The following ARHGEF37 variants were observed in gnomAD, a reference collection of about 807,000 sequenced individuals.
ARHGEF37 encodes Rho guanine nucleotide exchange factor (GEF) 37.
Under a neutral mutation model 71.1 loss-of-function variants are expected in ARHGEF37, and 55 were observed. The ratio of observed to expected loss-of-function variants is 0.77; its 90% CI spans 0.62 to 0.97. The LOEUF (loss-of-function observed/expected upper bound fraction) is 0.97, where lower values mean the gene tolerates loss of function less well. Among genes scored for constraint, ARHGEF37 ranks in the 50% least tolerant of loss-of-function variants. ARHGEF37 has a pLI of 0.00. For missense variants in ARHGEF37, 765 were observed against 836.8 expected (o/e 0.91, Z 1.06); for synonymous variants, 327 against 350.6 (o/e 0.93, Z 0.75).
Position 149,597,760 on chromosome 5 carries a change from A to G in ARHGEF37, c.-10A>G. On this transcript the variant is annotated splice_region_variant and 5_prime_UTR_variant, in exon 2 of 13. Transcript: ENST00000333677. ...TGGGGATGCTTTTGCTTTTCCCAGAACCTGCTGACATGGCCAAGCATGGAG... is the reference window on the plus strand; with the variant it reads ...TGGGGATGCTTTTGCTTTTCCCAGAGCCTGCTGACATGGCCAAGCATGGAG... The G allele has an allele frequency of 6.5e-7, 1 of 1,533,234 alleles. No homozygotes were observed. Among genetic ancestry groups the G allele is most frequent in the South Asian group, 1.3e-5 (1 of 78,592 alleles). 95.0% of individuals were successfully genotyped at this position (1,533,234 alleles called of 1,614,324 possible).
rs189159316 is a variant in ARHGEF37, at chr5:149,556,418, G to A, written c.-12+4295G>A. 2.7e-5 allele frequency among the ~76,000 whole-genome samples: 4 copies of A among 147,274 alleles called. No individual in the cohort carries two copies. In the East Asian group the frequency reaches 5.9e-4, roughly 22 times the overall value. On this transcript the variant is annotated intron_variant, in intron 1 of 2. Transcript: ENST00000505810. ...TTTATTTATTTTGAGATGGAGTCTC[G>A]CTCTTGTTGTCCAACCTGGAGTGCA...
At chr5:149,618,147 C>A (rs750649908) in intron 5 of ARHGEF37, 29 bp from the exon 6 acceptor site, 9 of 1,612,858 alleles carry the variant, frequency 5.6e-6, no homozygotes, top group Non-Finnish European at 6.8e-6. Flanking sequence ...GCTTGATCAC[C>A]GTGCTTCCCC....
rs116768476 is a variant in ARHGEF37, at chr5:149,618,816, C to T, written c.790-122C>T. The T allele has an allele frequency of 4.6e-3, 3,621 of 788,760 alleles. 97 individuals carry two copies. In the African/African-American group the frequency reaches 0.055, roughly 12 times the overall value. The allele number at this position is 788,760 out of a possible 1,614,324, so 48.9% of individuals were successfully genotyped here. A position where few individuals can be genotyped will look rare whatever the true frequency, so the allele number is the denominator to read the frequency against. ...CACCACCCTCTCAGCTTTGGGGTTG[C>T]GAGAACCAGCTCTGGTGGGCGAGTC... On this transcript the variant is annotated intron_variant, in intron 6 of 12. Coordinates refer to ENST00000333677, the MANE Select transcript of ARHGEF37 (RefSeq NM_001001669.3).
intron 1 of ARHGEF37, among the ~76,000 whole-genome samples, chr5:149,558,229 G>A (rs60129185): frequency 1.3e-5 from 2 of 151,918 alleles, no homozygotes; most frequent in African/African-American, 4.8e-5. Context: ...GGGACTGACC[G>A]GGCACCATGG....
chr5:149,588,841 C>T (rs1763315122), intron 1 of ARHGEF37, among the ~76,000 whole-genome samples: 1 of 152,188 alleles, frequency 6.6e-6, no homozygotes, highest in South Asian at 2.1e-4. Flanking sequence ...ACTTTCCCTG[C>T]CCAGACATTT....
intron 1 of ARHGEF37, among the ~76,000 whole-genome samples, chr5:149,552,929 C>T (rs1450895577): frequency 6.6e-6 from 1 of 152,096 alleles, no homozygotes; most frequent in Non-Finnish European, 1.5e-5. Flanking sequence ...GGGTTCATCT[C>T]GGAAGACAAC....
At chr5:149,591,095 T>A (rs995040607) in intron 1 of ARHGEF37, among the ~76,000 whole-genome samples, 3 of 152,046 alleles carry the variant, frequency 2.0e-5, no homozygotes, top group Non-Finnish European at 4.4e-5. Context: ...AGAGTCTCTC[T>A]CTGATGCCCA....
intron 1 of ARHGEF37, among the ~76,000 whole-genome samples, chr5:149,566,309 C>A (rs994123994): frequency 2.0e-5 from 3 of 151,688 alleles, no homozygotes; most frequent in Non-Finnish European, 2.9e-5. Flanking sequence ...CCAGCCTGGC[C>A]AACATGATGA....
chr5:149,610,049 T>C (rs1764033451), intron 4 of ARHGEF37, among the ~76,000 whole-genome samples: 1 of 152,226 alleles, frequency 6.6e-6, no homozygotes, highest in Admixed American at 6.5e-5. Context: ...ATGCTGGCAA[T>C]TGAATGCTGT....
chr5:149,606,971 A>G (rs746973353), intron 3 of ARHGEF37, among the ~76,000 whole-genome samples: 6 of 152,200 alleles, frequency 3.9e-5, no homozygotes, highest in South Asian at 2.1e-4. Flanking sequence ...GCTGGAGTGC[A>G]GTGGTGCAAT....
chr5:149,626,653 G>A (rs1752693726), intron 10 of ARHGEF37, among the ~76,000 whole-genome samples: 1 of 152,226 alleles, frequency 6.6e-6, no homozygotes, highest in Admixed American at 6.5e-5. Flanking sequence ...AATCCGCCAT[G>A]TGCTGGCCCT....
At chr5:149,583,109 G>A (rs1763148970) in intron 1 of ARHGEF37, among the ~76,000 whole-genome samples, 4 of 152,080 alleles carry the variant, frequency 2.6e-5, no homozygotes, top group Admixed American at 2.6e-4. Context: ...TTCAAATGGG[G>A]TCAACACCCC....
intron 1 of ARHGEF37, among the ~76,000 whole-genome samples, chr5:149,595,354 T>A (rs2895866): frequency 0.026 from 3,925 of 151,782 alleles, 162 homozygotes; most frequent in African/African-American, 0.091. Flanking sequence ...TACAAAAAAA[T>A]TTTTTCTGTA....
intron 1 of ARHGEF37, among the ~76,000 whole-genome samples, chr5:149,561,531 T>C (rs928444025): frequency 6.6e-6 from 1 of 152,320 alleles, no homozygotes; most frequent in East Asian, 1.9e-4. Context: ...TGCAGTGTAA[T>C]ATATGCAATG....
At chr5:149,623,924 G>C (rs1752607142) in intron 9 of ARHGEF37, 88 bp from the exon 10 acceptor site, 1 of 1,485,784 alleles carries the variant, frequency 6.7e-7, no homozygotes, top group East Asian at 2.3e-5. Flanking sequence ...GAACTCCTTG[G>C]GTTGAAAATA....
At chr5:149,604,712 T>G (rs1242246752) in intron 3 of ARHGEF37, among the ~76,000 whole-genome samples, 1 of 30,060 alleles carries the variant, frequency 3.3e-5, no homozygotes, top group Non-Finnish European at 6.7e-5. Context: ...AGACAGAATC[T>G]CTCTCTGTCG....
intron 2 of ARHGEF37, among the ~76,000 whole-genome samples, chr5:149,600,787 C>T (rs2113316878): frequency 6.6e-6 from 1 of 152,074 alleles, no homozygotes; most frequent in South Asian, 2.1e-4. Flanking sequence ...TTACAAGCAC[C>T]CACCACCATG....
In ARHGEF37 at chr5:149,613,764, C is replaced by CTTT. The variant is rs5872138; in HGVS notation, c.459-2788_459-2786dup. Reference sequence around the variant, plus strand: ...GATATTGATATTTCTACAGTGTTTTCTTTTTTTTTTTTTTTTTGAGACAAG... The same window carrying CTTT: ...GATATTGATATTTCTACAGTGTTTTCTTTTTTTTTTTTTTTTTTTTGAGACAAG... On this transcript the variant is annotated intron_variant, in intron 4 of 12. Transcript: ENST00000333677. Among the ~76,000 whole-genome samples the CTTT allele has an allele frequency of 2.4e-3, 323 of 133,250 alleles. 3 individuals are homozygous for CTTT. Among genetic ancestry groups the CTTT allele is most frequent in the African/African-American group, 8.3e-3 (302 of 36,224 alleles). The allele number at this position is 133,250 out of a possible 152,430, so 87.4% of individuals were successfully genotyped here. A position where few individuals can be genotyped will look rare whatever the true frequency, so the allele number is the denominator to read the frequency against.
At chr5:149,591,486 T>G (rs1763404818) in intron 1 of ARHGEF37, among the ~76,000 whole-genome samples, 1 of 152,342 alleles carries the variant, frequency 6.6e-6, no homozygotes, top group African/African-American at 2.4e-5. Context: ...TGGACTCAAG[T>G]GATCCTCCCT....
Sources: gnomAD v4.1 joint callset for allele counts (sites outside exome capture counted in the v4.1 genomes callset) on GRCh38, gnomAD v4.1.1 for gene constraint, MANE v1.5 for transcripts, NCBI Gene and HGNC (gene_info 2026-07-23, HGNC 2026-07-21) for gene names.